The following TBCK variants were observed in gnomAD, a reference collection of about 807,000 sequenced individuals.
The protein encoded by TBCK is TBC1 domain containing kinase.
Under a neutral mutation model 113.4 loss-of-function variants are expected in TBCK, and 99 were observed. The observed-to-expected ratio is 0.87, with a 90% CI of 0.74 to 1.03. The LOEUF is 1.03. Among genes scored for constraint, TBCK ranks in the 50% least tolerant of loss-of-function variants. The pLI, the probability that TBCK is intolerant of heterozygous loss-of-function variation, is 0.00. For synonymous variants in TBCK, 369 were observed against 370.8 expected (o/e 1.00, Z 0.05); for missense variants, 1,045 against 1,061.3 (o/e 0.98, Z 0.21).
rs115723993 is a variant in TBCK at position 106,260,459 on chromosome 4, C to T, written c.433G>A (p.Asp145Asn). 20,400 of 1,392,384 alleles carry T rather than the reference C, an allele frequency of 0.015. 198 individuals carry two copies. The highest frequency in any genetic ancestry group is 0.032 in the Middle Eastern group (171 of 5,370). The allele number at this position is 1,392,384 out of a possible 1,614,324, so 86.3% of individuals were successfully genotyped here. A position where few individuals can be genotyped will look rare whatever the true frequency, so the allele number is the denominator to read the frequency against. The change falls in exon 5 of 26, where the codon GAT (aspartate) becomes AAT (asparagine). Residue 145 changes from aspartate (D) to asparagine (N), a missense_variant. Coordinates refer to ENST00000394708, the MANE Select transcript of TBCK (RefSeq NM_001163435.3). Reference sequence around the variant, plus strand: ...TACCCTATTGGGAAATCAACATCATCACCATGAGCTGTCATGTGATAAAGT... The same window carrying T: ...TACCCTATTGGGAAATCAACATCATTACCATGAGCTGTCATGTGATAAAGT... Reference protein sequence around the residue: ...FGLYHMTAHGDDVDFPIGYPS... With the variant: ...FGLYHMTAHGNDVDFPIGYPS...
intron 5 of TBCK, among the ~76,000 whole-genome samples, chr4:106,259,327 T>C (rs1762286636): frequency 6.6e-6 from 1 of 151,850 alleles, no homozygotes; most frequent in Non-Finnish European, 1.5e-5. Context: ...CATGACTCCA[T>C]ATCACAATTC....
intron 25 of TBCK, among the ~76,000 whole-genome samples, chr4:106,058,303 C>A (rs1376979849): frequency 6.6e-6 from 1 of 151,896 alleles, no homozygotes; most frequent in East Asian, 1.9e-4. Context: ...GTAAGTGGAG[C>A]ATGAAAAGTT....
intron 22 of TBCK, among the ~76,000 whole-genome samples, chr4:106,185,127 G>A (rs1452315561): frequency 2.0e-5 from 3 of 151,986 alleles, no homozygotes; most frequent in African/African-American, 4.8e-5. Flanking sequence ...AGCAGTTTTC[G>A]TATGATTGAT....
At chr4:106,175,059 G>A (rs1341028498) in intron 22 of TBCK, among the ~76,000 whole-genome samples, 1 of 150,928 alleles carries the variant, frequency 6.6e-6, no homozygotes, top group Non-Finnish European at 1.5e-5. Flanking sequence ...CCTGGGAGGT[G>A]AAGGCTGCAG....
chr4:106,161,726 GTGTA>G (rs1172294072), intron 23 of TBCK, among the ~76,000 whole-genome samples: 2 of 151,166 alleles, frequency 1.3e-5, no homozygotes, highest in Non-Finnish European at 2.9e-5. Context: ...GTGTGTGTGT[GTGTA>G]TGTGTGTATG....
chr4:106,090,751 C>T (rs1740126405), intron 25 of TBCK, among the ~76,000 whole-genome samples: 1 of 152,050 alleles, frequency 6.6e-6, no homozygotes, highest in Non-Finnish European at 1.5e-5. Context: ...GACATGAACA[C>T]ACTGTTGTCA....
At chr4:106,296,737 G>T (rs529914772) in intron 2 of TBCK, among the ~76,000 whole-genome samples, 3 of 151,916 alleles carry the variant, frequency 2.0e-5, no homozygotes, top group East Asian at 3.9e-4. Flanking sequence ...TAGAGGAAAA[G>T]GAATAAAATG....
intron 22 of TBCK, among the ~76,000 whole-genome samples, chr4:106,180,374 T>C (rs1265947272): frequency 6.6e-6 from 1 of 151,888 alleles, no homozygotes; most frequent in Non-Finnish European, 1.5e-5. Context: ...TCTCTAGTAG[T>C]ATGTTTTTTT....
In TBCK at chr4:106,263,640, T is replaced by C. The variant is rs528482734; in HGVS notation, c.267-1428A>G. The stretch of plus-strand genomic sequence containing the variant: ...ACTTTACATAAAACAGGGTAAATGT[T>C]AAGGTATGTAAATTATACCTTAATA... On this transcript the variant is annotated intron_variant, in intron 3 of 25. Transcript: ENST00000394708. Among the ~76,000 whole-genome samples, 61 of 152,032 alleles carry C rather than the reference T, an allele frequency of 4.0e-4. 1 individual carries two copies. The highest frequency in any genetic ancestry group is 3.4e-3 in the Middle Eastern group (1 of 294).
chr4:106,100,569 A>ATGAT (rs141182049), intron 24 of TBCK, among the ~76,000 whole-genome samples: 4,179 of 152,288 alleles, frequency 0.027, 186 homozygotes, highest in African/African-American at 0.096. Context: ...ATATGAATGA[A>ATGAT]TGATTATACA....
At chr4:106,098,024 T>G (rs1741135814) in intron 24 of TBCK, among the ~76,000 whole-genome samples, 1 of 152,016 alleles carries the variant, frequency 6.6e-6, no homozygotes, top group Admixed American at 6.6e-5. Context: ...CTCTAAGAAC[T>G]TTGGTTTTAT....
intron 25 of TBCK, among the ~76,000 whole-genome samples, chr4:106,094,613 T>C (rs1163969666): frequency 6.6e-6 from 1 of 152,232 alleles, no homozygotes; most frequent in Non-Finnish European, 1.5e-5. Flanking sequence ...TCTCCACTCC[T>C]GATTTCCCTG....
At chr4:106,179,543 A>C (rs1752084274) in intron 22 of TBCK, among the ~76,000 whole-genome samples, 1 of 151,934 alleles carries the variant, frequency 6.6e-6, no homozygotes. Context: ...GATTTCCATA[A>C]ATCTGTAGTT....
intron 7 of TBCK, among the ~76,000 whole-genome samples, chr4:106,249,930 AAGT>A (rs1385662678): frequency 6.6e-6 from 1 of 152,062 alleles, no homozygotes; most frequent in East Asian, 1.9e-4. Flanking sequence ...TTCCACTCCA[AAGT>A]AGATTACATA....
chr4:106,115,365 CA>C (rs1397956778), intron 24 of TBCK, among the ~76,000 whole-genome samples: 2 of 152,068 alleles, frequency 1.3e-5, no homozygotes, highest in Admixed American at 6.5e-5. Flanking sequence ...AATACTGTCA[CA>C]AACATTTTGG....
chr4:106,295,153 G>T lies in TBCK; in HGVS notation c.207C>A (p.Val69=). The T allele has an allele frequency of 6.2e-7, 1 of 1,612,338 alleles. No homozygotes were observed. The highest frequency in any genetic ancestry group is 1.1e-5 in the South Asian group (1 of 90,822). Residue 69 remains valine (V), a synonymous_variant, in exon 3 of 26, where the codon GTC becomes GTA. Coordinates refer to ENST00000394708, the MANE Select transcript of TBCK (RefSeq NM_001163435.3). The part of the protein sequence containing the change: ...ISRGKHERLV[V]VAEHCERSLE... The stretch of plus-strand genomic sequence containing the variant: ...GACTACGTTCACAATGTTCAGCCAC[G>T]ACCACTAGTCGTTCTGAGAAAAACA...
At chr4:106,120,334 G>A (rs1207768556) in intron 23 of TBCK, among the ~76,000 whole-genome samples, 1 of 152,082 alleles carries the variant, frequency 6.6e-6, no homozygotes, top group Non-Finnish European at 1.5e-5. Context: ...GAGTCTCGCT[G>A]ATTGCTAGCA....
chr4:106,235,515 T>C, intron 14 of TBCK, 148 bp from the exon 15 acceptor site: 1 of 473,076 alleles, frequency 2.1e-6, no homozygotes, highest in South Asian at 4.1e-5. Flanking sequence ...GTGTTATTAA[T>C]ACACATAAAT....
intron 2 of TBCK, among the ~76,000 whole-genome samples, chr4:106,306,223 C>A (rs1188793681): frequency 6.6e-6 from 1 of 150,838 alleles, no homozygotes; most frequent in African/African-American, 2.4e-5. Context: ...GAACAAGACA[C>A]CATGCCTGGC....
Sources: allele counts gnomAD v4.1 joint callset (sites outside exome capture counted in the v4.1 genomes callset), GRCh38; gene constraint gnomAD v4.1.1; transcripts MANE v1.5; gene names NCBI Gene and HGNC (gene_info 2026-07-23, HGNC 2026-07-21).